Variants in OLFML2B observed in about 807,000 individuals in gnomAD.
OLFML2B encodes olfactomedin like 2B.
Under a neutral mutation model 74.9 loss-of-function variants are expected in OLFML2B, and 57 were observed. That is an observed-to-expected ratio of 0.76 (90% confidence interval 0.61 to 0.95). The LOEUF (loss-of-function observed/expected upper bound fraction) is 0.95, where lower values mean the gene tolerates loss of function less well. Ranked by LOEUF, OLFML2B falls within the 40% of genes least tolerant of loss-of-function variation. OLFML2B has a pLI of 0.00. For synonymous variants in OLFML2B, 388 were observed against 405.8 expected (o/e 0.96, Z 0.53); for missense variants, 986 against 970.6 (o/e 1.02, Z -0.21).
At chr1:162,002,624 A>T (rs1479852154) in intron 4 of OLFML2B, among the ~76,000 whole-genome samples, 2 of 152,180 alleles carry the variant, frequency 1.3e-5, no homozygotes, top group East Asian at 3.9e-4. Flanking sequence ...CTGTTTTCTC[A>T]TGACAAGAGA....
chr1:162,003,044 G>A (rs1204015771), intron 4 of OLFML2B, among the ~76,000 whole-genome samples: 1 of 152,208 alleles, frequency 6.6e-6, no homozygotes, highest in African/African-American at 2.4e-5. Context: ...CAGTTAAGTG[G>A]CTGAGAGGGG....
chr1:162,008,921 G>C (rs911018089), intron 3 of OLFML2B, among the ~76,000 whole-genome samples: 2 of 152,214 alleles, frequency 1.3e-5, no homozygotes, highest in African/African-American at 4.8e-5. Context: ...AAGCATTTCT[G>C]TAATCCATCA....
intron 4 of OLFML2B, among the ~76,000 whole-genome samples, chr1:162,004,389 A>G (rs1336468050): frequency 6.6e-6 from 1 of 152,216 alleles, no homozygotes; most frequent in Non-Finnish European, 1.5e-5. Flanking sequence ...TAATTTCTGA[A>G]GAAATATGAT....
intron 6 of OLFML2B, among the ~76,000 whole-genome samples, chr1:161,989,208 C>T (rs941363256): frequency 3.9e-5 from 6 of 152,234 alleles, no homozygotes; most frequent in Non-Finnish European, 7.3e-5. Flanking sequence ...TAATGACTCA[C>T]CATCTCCAAC....
intron 6 of OLFML2B, among the ~76,000 whole-genome samples, chr1:161,992,766 G>C (rs951745222): frequency 2.0e-5 from 3 of 152,212 alleles, no homozygotes; most frequent in African/African-American, 7.2e-5. Flanking sequence ...CTTTGTATCG[G>C]TGTGGGTGGG....
Position 162,017,623 on chromosome 1 carries a change from G to A in OLFML2B, c.439-116C>T, listed in dbSNP as rs114380409. 1.1e-3 allele frequency: 785 copies of A among 688,704 alleles called. 5 individuals carry two copies. The highest frequency in any genetic ancestry group is 9.6e-3 in the African/African-American group (536 of 55,684). 42.7% of individuals were successfully genotyped at this position (688,704 alleles called of 1,614,324 possible). On this transcript the variant is annotated intron_variant, in intron 2 of 7. Transcript: ENST00000294794. ...AGGAAAGCCACTAGCCAGGAATTGA[G>A]AGGTTGCCGTGAGAAACACATTTGT...
At chr1:162,019,065 T>C (rs1690627892) in intron 2 of OLFML2B, among the ~76,000 whole-genome samples, 1 of 152,206 alleles carries the variant, frequency 6.6e-6, no homozygotes, top group Non-Finnish European at 1.5e-5. Context: ...CTGATATTGG[T>C]AAACACTACT....
At chr1:161,995,688 G>A (rs1248724790) in intron 6 of OLFML2B, among the ~76,000 whole-genome samples, 1 of 152,182 alleles carries the variant, frequency 6.6e-6, no homozygotes, top group East Asian at 1.9e-4. Flanking sequence ...CTCCCAGGCT[G>A]GCAGACACCA....
At chr1:162,014,401 C>T (rs927503859) in intron 3 of OLFML2B, among the ~76,000 whole-genome samples, 5 of 152,130 alleles carry the variant, frequency 3.3e-5, no homozygotes, top group African/African-American at 1.2e-4. Flanking sequence ...CTCCTATATA[C>T]CCAAGGTGGA....
At chr1:162,009,248 G>A (rs1270482570) in intron 3 of OLFML2B, among the ~76,000 whole-genome samples, 2 of 152,242 alleles carry the variant, frequency 1.3e-5, no homozygotes, top group African/African-American at 2.4e-5. Flanking sequence ...CAGCCAGGTC[G>A]ATAGGCTTCT....
chr1:162,006,438 T>G lies in OLFML2B; in HGVS notation c.582A>C (p.Gln194His). Residue 194 changes from glutamine to histidine, a missense_variant, in exon 4 of 8, where the codon CAA (glutamine) becomes CAC (histidine). Transcript: ENST00000294794. Reference protein sequence around the residue: ...VSKNLTKENEQIKEDMEEIRT... With the variant: ...VSKNLTKENEHIKEDMEEIRT... Reference sequence around the variant, plus strand: ...GAATTTCTTCCATGTCCTCTTTGATTTGTTCATTTTCCTTGGTGAGGTTTT... The same window carrying G: ...GAATTTCTTCCATGTCCTCTTTGATGTGTTCATTTTCCTTGGTGAGGTTTT... 1.2e-6 allele frequency: 2 copies of G among 1,603,246 alleles called. No homozygotes were observed. The highest frequency in any genetic ancestry group is 1.1e-5 in the South Asian group (1 of 89,302).
At chr1:161,987,578 G>T (rs1407920823) in intron 6 of OLFML2B, among the ~76,000 whole-genome samples, 1 of 152,126 alleles carries the variant, frequency 6.6e-6, no homozygotes, top group Non-Finnish European at 1.5e-5. Flanking sequence ...TCAAGCCTCT[G>T]GAAAGAACCA....
Position 161,997,999 on chromosome 1 carries a change from G to A in OLFML2B, c.1300C>T (p.Pro434Ser). 6.2e-7 allele frequency: 1 copy of A among 1,614,220 alleles called. No individual in the cohort carries two copies. The highest frequency in any genetic ancestry group is 8.5e-7 in the Non-Finnish European group (1 of 1,180,042). Residue 434 changes from proline to serine, a missense_variant, in exon 6 of 8, where the codon CCT becomes TCT. Pro to Ser is a moderately conservative substitution (Grantham distance 74). Coordinates refer to ENST00000294794, the MANE Select transcript of OLFML2B (RefSeq NM_015441.3). ...GCCTCCCTGGGAGACACTGCCGGAG[G>A]AGCTGGGGCTGCTGGTTGCTGGGTG... ...TATQQPAAPA[P>S]PAVSPREALM...
intron 3 of OLFML2B, among the ~76,000 whole-genome samples, chr1:162,011,880 G>C (rs1474761018): frequency 6.6e-6 from 1 of 152,202 alleles, no homozygotes; most frequent in African/African-American, 2.4e-5. Context: ...ACTGTTCCTA[G>C]GCCGACGGAT....
At chr1:162,009,388 C>A (rs774076092) in intron 3 of OLFML2B, among the ~76,000 whole-genome samples, 2 of 152,182 alleles carry the variant, frequency 1.3e-5, no homozygotes, top group Non-Finnish European at 2.9e-5. Context: ...GACGGAAGAT[C>A]TCACTAGATT....
rs549619997 is a variant in OLFML2B, at chr1:161,983,824, T to A, written c.2104A>T (p.Thr702Ser). The change falls in exon 8 of 8, where the codon ACC becomes TCC. Residue 702 changes from threonine (T) to serine (S), a missense_variant. Physicochemically the swap from Thr to Ser is moderately conservative, Grantham distance 58. Coordinates refer to ENST00000294794, the MANE Select transcript of OLFML2B (RefSeq NM_015441.3). ...RNANISYAFD[T>S]HTNTQIVPRL... ...GGGACGATCTGTGTGTTGGTGTGGGTGTCGAAAGCGTAGGAGATGTTGGCA... is the reference window on the plus strand; with the variant it reads ...GGGACGATCTGTGTGTTGGTGTGGGAGTCGAAAGCGTAGGAGATGTTGGCA... The A allele has an allele frequency of 6.2e-7, 1 of 1,614,086 alleles. No individual in the cohort carries two copies. The highest frequency in any genetic ancestry group is 1.7e-5 in the Admixed American group (1 of 60,012).
chr1:161,984,755 G>T, intron 7 of OLFML2B, 49 bp downstream of exon 7: 1 of 1,573,696 alleles, frequency 6.4e-7, no homozygotes, highest in Non-Finnish European at 8.7e-7. Flanking sequence ...TAAAAACAGA[G>T]GACGTGGGGA....
chr1:162,013,360 A>G (rs981408210), intron 3 of OLFML2B, among the ~76,000 whole-genome samples: 2 of 152,162 alleles, frequency 1.3e-5, no homozygotes, highest in Non-Finnish European at 2.9e-5. Flanking sequence ...CTGGTTTATG[A>G]GGTTTCAGAC....
Position 162,023,238 on chromosome 1 carries a change from G to A in OLFML2B, c.174+19C>T, listed in dbSNP as rs544910704. ...ACCATCCAGGGCAAGAAGGGCGGTC[G>A]TGGCACTCTGCATCCTACCTGAGAT... On this transcript the variant is annotated intron_variant, in intron 1 of 7. Transcript: ENST00000294794. 8.1e-6 allele frequency: 12 copies of A among 1,486,518 alleles called. No homozygotes were observed. Among genetic ancestry groups the A allele is most frequent in the South Asian group, 6.8e-5 (5 of 73,208 alleles). The allele number at this position is 1,486,518 out of a possible 1,614,324, so 92.1% of individuals were successfully genotyped here.
Sources: allele counts gnomAD v4.1 joint callset (sites outside exome capture counted in the v4.1 genomes callset), GRCh38; gene constraint gnomAD v4.1.1; transcripts MANE v1.5; gene names NCBI Gene and HGNC (gene_info 2026-07-23, HGNC 2026-07-21).